CTNND2: variants seen among roughly 807,000 people sequenced by gnomAD.
CTNND2 encodes the protein catenin delta-2.
CTNND2 carries 22 observed loss-of-function variants against 144.4 expected under a neutral mutation model. That is an observed-to-expected ratio of 0.15 (90% confidence interval 0.11 to 0.22). The LOEUF (loss-of-function observed/expected upper bound fraction) is 0.22. CTNND2 is among the 10% of genes least tolerant of loss of function. The pLI, the probability that CTNND2 is intolerant of heterozygous loss-of-function variation, is 1.00. For synonymous variants in CTNND2, 751 were observed against 695.6 expected (o/e 1.08, Z -1.25); for missense variants, 1,353 against 1,618.8 (o/e 0.84, Z 2.82).
intron 3 of CTNND2, among the ~76,000 whole-genome samples, chr5:11,465,003 C>A (rs1028936177): frequency 6.6e-6 from 1 of 152,114 alleles, no homozygotes; most frequent in Non-Finnish European, 1.5e-5. Flanking sequence ...GGCTTTGTTT[C>A]TTCTAGCTTA....
Position 11,385,019 on chromosome 5 carries a change from C to A in CTNND2, c.823G>T (p.Gly275Cys), listed in dbSNP as rs61749844. 1,834 of 1,234,510 alleles carry A rather than the reference C, an allele frequency of 1.5e-3. 49 individuals are homozygous for A. The Admixed American group carries it at 0.059, about 40-fold the overall frequency. The allele number at this position is 1,234,510 out of a possible 1,614,324, so 76.5% of individuals were successfully genotyped here. A position where few individuals can be genotyped will look rare whatever the true frequency, so the allele number is the denominator to read the frequency against. ...GGSPLAAPQGGSPTKLQRGGS... is the reference protein window; with the variant it reads ...GGSPLAAPQGCSPTKLQRGGS... The stretch of plus-strand genomic sequence containing the variant: ...CCGCGCTGCAGCTTGGTGGGCGAAC[C>A]GCCCTGGGGCGCGGCCAGCGGGGAG... The change falls in exon 7 of 22, where the codon GGT becomes TGT. Residue 275 changes from glycine to cysteine, a missense_variant. Physicochemically the swap from Gly to Cys is radical, Grantham distance 159. This residue lies in a region of CTNND2 where 708 missense variants were observed against 706.4 expected (regional missense o/e 1.00). Coordinates refer to ENST00000304623, the MANE Select transcript of CTNND2 (RefSeq NM_001332.4).
At chr5:11,510,094 C>T (rs1023617986) in intron 3 of CTNND2, among the ~76,000 whole-genome samples, 1 of 152,072 alleles carries the variant, frequency 6.6e-6, no homozygotes, top group Non-Finnish European at 1.5e-5. Flanking sequence ...GCACACTTGG[C>T]AAATTTTTTA....
At chr5:11,227,205 C>T (rs1171444661) in intron 10 of CTNND2, among the ~76,000 whole-genome samples, 1 of 152,236 alleles carries the variant, frequency 6.6e-6, no homozygotes, top group Non-Finnish European at 1.5e-5. Flanking sequence ...TATTTTGCAG[C>T]ACATGCTAAA....
chr5:11,524,204 C>T (rs772707066), intron 3 of CTNND2, among the ~76,000 whole-genome samples: 59 of 152,248 alleles, frequency 3.9e-4, no homozygotes, highest in South Asian at 8.3e-4. Context: ...CTTCCCACGT[C>T]CCCTCCACAG....
chr5:11,468,944 A>G lies in CTNND2; in HGVS notation c.288-56875T>C, dbSNP rs181228363. Among the ~76,000 whole-genome samples the G allele has an allele frequency of 6.6e-5, 10 of 152,234 alleles. No homozygotes were observed. In the East Asian group the frequency reaches 1.7e-3, roughly 27 times the overall value. On this transcript the variant is annotated intron_variant, in intron 3 of 21. Transcript: ENST00000304623. Reference sequence around the variant, plus strand: ...CTGTGGCCCTAAGGGTTTCTACATAAGTCTCCAGTTTAAATTTTTCAGCTT... The same window carrying G: ...CTGTGGCCCTAAGGGTTTCTACATAGGTCTCCAGTTTAAATTTTTCAGCTT...
At chr5:11,738,500 ACTG>A (rs766533527) in intron 1 of CTNND2, among the ~76,000 whole-genome samples, 6 of 152,154 alleles carry the variant, frequency 3.9e-5, no homozygotes, top group Non-Finnish European at 7.4e-5. Flanking sequence ...TAGAATCTTA[ACTG>A]CATTTTGGAA....
At chr5:11,398,058 T>C (rs7731111) in intron 5 of CTNND2, among the ~76,000 whole-genome samples, 7,948 of 152,234 alleles carry the variant, frequency 0.052, 682 homozygotes, top group African/African-American at 0.18. Context: ...ACTTGTTATT[T>C]TCCATTGTGT....
intron 2 of CTNND2, among the ~76,000 whole-genome samples, chr5:11,608,441 TC>T (rs1173343876): frequency 6.6e-6 from 1 of 152,042 alleles, no homozygotes; most frequent in Non-Finnish European, 1.5e-5. Context: ...ATTCCACCAC[TC>T]TCCACCTTTC....
intron 16 of CTNND2, among the ~76,000 whole-genome samples, chr5:11,050,365 A>G (rs1027401703): frequency 1.3e-5 from 2 of 152,194 alleles, no homozygotes; most frequent in African/African-American, 2.4e-5. Context: ...CATTTCCACA[A>G]TGATTTCCTT....
intron 16 of CTNND2, among the ~76,000 whole-genome samples, chr5:11,068,871 C>T (rs990319857): frequency 1.5e-4 from 23 of 152,212 alleles, no homozygotes; most frequent in Admixed American, 1.0e-3. Context: ...GAGCCGAGAT[C>T]GCACCACTGC....
At chr5:11,119,816 T>G (rs1056084348) in intron 12 of CTNND2, among the ~76,000 whole-genome samples, 2 of 152,230 alleles carry the variant, frequency 1.3e-5, no homozygotes, top group Non-Finnish European at 2.9e-5. Context: ...GGGTAGCGTG[T>G]GTACACCCTG....
chr5:11,574,088 C>A (rs749709440), intron 2 of CTNND2, among the ~76,000 whole-genome samples: 12 of 151,992 alleles, frequency 7.9e-5, no homozygotes, highest in African/African-American at 2.9e-4. Flanking sequence ...TGGGTCCATT[C>A]CCCGAGAACT....
At chr5:11,079,901 G>A (rs990972154) in intron 16 of CTNND2, among the ~76,000 whole-genome samples, 2 of 152,104 alleles carry the variant, frequency 1.3e-5, no homozygotes, top group Admixed American at 1.3e-4. Context: ...AAAGCTATAC[G>A]ACACTGGTCT....
chr5:11,130,777 C>T (rs894485037), intron 12 of CTNND2, among the ~76,000 whole-genome samples: 2 of 152,142 alleles, frequency 1.3e-5, no homozygotes, highest in African/African-American at 4.8e-5. Flanking sequence ...CTTGGAGTAA[C>T]GCCATATGGT....
At chr5:11,365,841 C>T (rs148307102) in intron 7 of CTNND2, among the ~76,000 whole-genome samples, 15 of 152,194 alleles carry the variant, frequency 9.9e-5, no homozygotes, top group African/African-American at 2.4e-4. Flanking sequence ...AAATCATTTG[C>T]GTTGGGGCAA....
In CTNND2 at chr5:11,350,984, G is replaced by A. The variant is rs543440669; in HGVS notation, c.1373-4357C>T. Among the ~76,000 whole-genome samples, 261 of 152,276 alleles carry A rather than the reference G, an allele frequency of 1.7e-3. 1 individual carries two copies. The highest frequency in any genetic ancestry group is 2.9e-3 in the Non-Finnish European group (199 of 68,020). ...TATTAGAAAATGGAAAAGTGCGTAT[G>A]GCATTGAGTAAAATGACATAAAGAT... On this transcript the variant is annotated intron_variant, in intron 8 of 21. Transcript: ENST00000304623.
intron 6 of CTNND2, among the ~76,000 whole-genome samples, chr5:11,388,289 A>G (rs946319388): frequency 2.0e-5 from 3 of 152,232 alleles, no homozygotes; most frequent in African/African-American, 7.2e-5. Context: ...CACCAGCTAC[A>G]CTGGTGTGTT....
intron 16 of CTNND2, among the ~76,000 whole-genome samples, chr5:11,047,296 C>T (rs113921801): frequency 3.6e-3 from 547 of 152,318 alleles, no homozygotes; most frequent in Middle Eastern, 6.8e-3. Context: ...GCAACTGGTT[C>T]TACAGGAACG....
chr5:11,676,118 TAC>T (rs763200595), intron 2 of CTNND2, among the ~76,000 whole-genome samples: 2 of 151,702 alleles, frequency 1.3e-5, no homozygotes, highest in African/African-American at 2.4e-5. Flanking sequence ...CAGGTGTCCC[TAC>T]ACACACACAC....
Sources: allele counts gnomAD v4.1 joint callset (sites outside exome capture counted in the v4.1 genomes callset), GRCh38; gene constraint gnomAD v4.1.1; regional missense constraint gnomAD v4.1.1; transcripts MANE v1.5; gene names NCBI Gene and HGNC (gene_info 2026-07-23, HGNC 2026-07-21).